Variants in TPRG1 observed in about 807,000 individuals in gnomAD.
TPRG1 encodes the protein tumor protein p63 regulated 1.
Under a neutral mutation model 29.3 loss-of-function variants are expected in TPRG1, and 29 were observed. The observed-to-expected ratio is 0.99, with a 90% confidence interval of 0.74 to 1.35. The LOEUF (loss-of-function observed/expected upper bound fraction) is 1.35. Ranked by LOEUF, TPRG1 falls within the 40% of genes most tolerant of loss-of-function variation. The pLI, the probability that TPRG1 is intolerant of heterozygous loss-of-function variation, is 0.00. For missense variants in TPRG1, 327 were observed against 335.0 expected (o/e 0.98, Z 0.19); for synonymous variants, 130 against 116.8 (o/e 1.11, Z -0.73).
At chr3:189,220,464 A>G (rs1736769724) in intron 3 of TPRG1, among the ~76,000 whole-genome samples, 1 of 152,192 alleles carries the variant, frequency 6.6e-6, no homozygotes, top group Non-Finnish European at 1.5e-5. Flanking sequence ...GTTCAGTGGT[A>G]CAAGTGCAGG....
intron 4 of TPRG1, among the ~76,000 whole-genome samples, chr3:189,287,142 C>T (rs953445946): frequency 2.6e-5 from 4 of 151,980 alleles, no homozygotes; most frequent in Non-Finnish European, 5.9e-5. Flanking sequence ...AGCACTGCAC[C>T]GTGTAGCCTC....
chr3:189,196,484 G>A (rs975400124), intron 1 of TPRG1, among the ~76,000 whole-genome samples: 6 of 152,168 alleles, frequency 3.9e-5, no homozygotes, highest in South Asian at 2.1e-4. Flanking sequence ...GGCAGAAGGG[G>A]AAGGGGAAGC....
chr3:189,077,383 A>G (rs541961377), intron 4 of TPRG1, among the ~76,000 whole-genome samples: 1 of 152,220 alleles, frequency 6.6e-6, no homozygotes, highest in East Asian at 1.9e-4. Flanking sequence ...TGCCTATACT[A>G]ACTAACTAAT....
intron 4 of TPRG1, among the ~76,000 whole-genome samples, chr3:189,296,051 T>A (rs1719866201): frequency 6.6e-6 from 1 of 152,140 alleles, no homozygotes; most frequent in Non-Finnish European, 1.5e-5. Context: ...AAAACGGAGG[T>A]ACACTTCATG....
intron 3 of TPRG1, among the ~76,000 whole-genome samples, chr3:189,236,880 C>G (rs1739554985): frequency 6.6e-6 from 1 of 152,138 alleles, no homozygotes; most frequent in Admixed American, 6.5e-5. Context: ...TGTCTTTAGA[C>G]TGCACTGTGA....
chr3:189,040,892 G>C (rs997714232), intron 4 of TPRG1, among the ~76,000 whole-genome samples: 9 of 152,154 alleles, frequency 5.9e-5, no homozygotes, highest in African/African-American at 2.2e-4. Flanking sequence ...AGGCATCTCT[G>C]CCTGGGCTTT....
At chr3:189,213,257 T>C (rs1164144061) in intron 2 of TPRG1, among the ~76,000 whole-genome samples, 1 of 152,176 alleles carries the variant, frequency 6.6e-6, no homozygotes, top group African/African-American at 2.4e-5. Context: ...ATCTAATAAA[T>C]GAGCAAACTG....
rs549433698 is a variant in TPRG1 at position 189,173,339 on chromosome 3, C to CTTT, written c.-10+1210_-10+1211insTTT. Among the ~76,000 whole-genome samples the CTTT allele has an allele frequency of 1.2e-3, 154 of 130,318 alleles. 12 individuals carry two copies. Among genetic ancestry groups the CTTT allele is most frequent in the South Asian group, 4.0e-3 (17 of 4,290 alleles). 85.5% of individuals were successfully genotyped at this position (130,318 alleles called of 152,430 possible). A position where few individuals can be genotyped will look rare whatever the true frequency, so the allele number is the denominator to read the frequency against. ...ATATATTCTTTTTCTTTCTTTTCTT[C>CTTT]TTCTTTTTTTTTTTTTTTGAGACAG... is the stretch of plus-strand genomic sequence containing the variant. On this transcript the variant is annotated intron_variant, in intron 1 of 5. Transcript: ENST00000345063.
chr3:189,254,072 G>A lies in TPRG1; in HGVS notation c.479+15163G>A, dbSNP rs546630110. Among the ~76,000 whole-genome samples the A allele has an allele frequency of 4.7e-4, 71 of 152,254 alleles. 1 individual carries two copies. Among genetic ancestry groups the A allele is most frequent in the African/African-American group, 1.4e-3 (60 of 41,546 alleles). ...GGCTTTTGTTGCCATTGCTTTTGGT[G>A]TTTTAGTCATGAAGTCTTTGCCCAT... is the stretch of plus-strand genomic sequence containing the variant. On this transcript the variant is annotated intron_variant, in intron 4 of 5. Transcript: ENST00000345063.
At chr3:189,123,032 T>C (rs1162173838) in intron 1 of TPRG1, among the ~76,000 whole-genome samples, 1 of 152,218 alleles carries the variant, frequency 6.6e-6, no homozygotes, top group Non-Finnish European at 1.5e-5. Context: ...TAATAAATAA[T>C]AGCTGAAATG....
chr3:189,213,406 A>G (rs1243836834), intron 2 of TPRG1, among the ~76,000 whole-genome samples: 1 of 152,176 alleles, frequency 6.6e-6, no homozygotes, highest in East Asian at 1.9e-4. Context: ...TTAACTTATT[A>G]TAGTAACTAT....
intron 1 of TPRG1, among the ~76,000 whole-genome samples, chr3:189,117,571 T>C (rs1308376777): frequency 1.3e-5 from 2 of 152,202 alleles, no homozygotes; most frequent in Non-Finnish European, 2.9e-5. Context: ...AAATCTCATC[T>C]TGAGTTGTAA....
intron 4 of TPRG1, among the ~76,000 whole-genome samples, chr3:189,076,079 A>G (rs1187195539): frequency 6.6e-6 from 1 of 152,226 alleles, no homozygotes; most frequent in East Asian, 1.9e-4. Context: ...GTCTCAAGCC[A>G]CATGGTTAAT....
At chr3:189,221,836 G>A (rs1212081885) in intron 3 of TPRG1, among the ~76,000 whole-genome samples, 1 of 152,198 alleles carries the variant, frequency 6.6e-6, no homozygotes, top group African/African-American at 2.4e-5. Flanking sequence ...TTATTTTACG[G>A]ATGAAGAAAC....
At chr3:189,265,847 G>C (rs1362364833) in intron 4 of TPRG1, among the ~76,000 whole-genome samples, 2 of 152,162 alleles carry the variant, frequency 1.3e-5, no homozygotes. Context: ...ACTTTGTGGA[G>C]CTGCCTTCCA....
rs140957838 is a variant in TPRG1, at chr3:189,076,357, C to A, written c.-462-50700C>A. The stretch of plus-strand genomic sequence containing the variant: ...TGGCTTGGAAATTAGTTGTCTCTGG[C>A]CCTCAGTTTTATCTTCTAAAACATT... On this transcript the variant is annotated intron_variant, in intron 4 of 10. Coordinates refer to the TPRG1 transcript ENST00000433971. 1.7e-4 allele frequency among the ~76,000 whole-genome samples: 26 copies of A among 152,240 alleles called. No homozygotes were observed. In the East Asian group the frequency reaches 4.8e-3, roughly 28 times the overall value.
intron 1 of TPRG1, among the ~76,000 whole-genome samples, chr3:189,198,257 T>A (rs1732877482): frequency 6.6e-6 from 1 of 152,140 alleles, no homozygotes; most frequent in Admixed American, 6.5e-5. Context: ...AGCTCTGAGG[T>A]GCCTTATTCC....
At chr3:189,312,351 G>A (rs976535815) in intron 5 of TPRG1, among the ~76,000 whole-genome samples, 3 of 151,596 alleles carry the variant, frequency 2.0e-5, no homozygotes, top group Non-Finnish European at 2.9e-5. Context: ...ACAGGCGCCC[G>A]AAAACATCTG....
At chr3:189,050,468 A>T in intron 4 of TPRG1, among the ~76,000 whole-genome samples, 1 of 152,180 alleles carries the variant, frequency 6.6e-6, no homozygotes, top group East Asian at 1.9e-4. Context: ...AAAAAAATTC[A>T]GGACCAGACA....
Sources: allele counts gnomAD v4.1 joint callset (sites outside exome capture counted in the v4.1 genomes callset), GRCh38; gene constraint gnomAD v4.1.1; transcripts MANE v1.5; gene names NCBI Gene and HGNC (gene_info 2026-07-23, HGNC 2026-07-21).